Variants in FGF13 observed in about 807,000 individuals in gnomAD.
FGF13 encodes the protein fibroblast growth factor homologous factor 2.
FGF13 carries 2 observed loss-of-function variants against 19.5 expected under a neutral mutation model. The ratio of observed to expected loss-of-function variants is 0.10; its 90% CI spans 0.04 to 0.32. The LOEUF is 0.32. Among genes scored for constraint, FGF13 ranks in the 10% least tolerant of loss-of-function variants. The pLI, the probability that FGF13 is intolerant of heterozygous loss-of-function variation, is 1.00. For synonymous variants in FGF13, 72 were observed against 76.9 expected (o/e 0.94, Z 0.33); for missense variants, 113 against 192.7 (o/e 0.59, Z 2.45).
At chrX:139,204,230 G>A (rs1222048966), upstream of FGF13, 12 of 648,129 alleles carry the variant, frequency 1.9e-5, no homozygotes, top group Non-Finnish European at 2.7e-5. Flanking sequence ...GTGGTTCGGG[G>A]CGGAATCCGC....
chrX:139,120,186 G>A (rs1448242427), intron 1 of FGF13, among the ~76,000 whole-genome samples: 2 of 112,382 alleles, frequency 1.8e-5, no homozygotes, highest in African/African-American at 6.5e-5. Flanking sequence ...CAGCCATGGG[G>A]AACTCTGAGT....
intron 1 of FGF13, among the ~76,000 whole-genome samples, chrX:138,893,438 G>C (rs137870531): frequency 0.02 from 2,266 of 110,697 alleles, 60 homozygotes; most frequent in African/African-American, 0.069. Flanking sequence ...AGGTGGGCTC[G>C]GAAGGGATTA....
rs148077721 is a variant in FGF13 at position 138,880,667 on chromosome X, G to A, written c.-112-16017C>T. On this transcript the variant is annotated intron_variant, in intron 1 of 2. Transcript: ENST00000421460. ...TGCATGTGGAAATCCAGTCGACTCCGCAGCACCTGTTAAAGAAACTGTTTC... is the reference window on the plus strand; with the variant it reads ...TGCATGTGGAAATCCAGTCGACTCCACAGCACCTGTTAAAGAAACTGTTTC... Among the ~76,000 whole-genome samples, 812 of 111,660 alleles carry A rather than the reference G, an allele frequency of 7.3e-3. 9 individuals are homozygous for A. Among genetic ancestry groups the A allele is most frequent in the African/African-American group, 0.024 (745 of 30,713 alleles).
intron 1 of FGF13, among the ~76,000 whole-genome samples, chrX:138,942,214 G>A (rs2091761686): frequency 9.0e-6 from 1 of 111,585 alleles, no homozygotes; most frequent in South Asian, 3.8e-4. Context: ...AACAGAGGCT[G>A]AGGGTGAACC....
intron 1 of FGF13, among the ~76,000 whole-genome samples, chrX:138,913,392 C>T (rs2091599620): frequency 9.2e-6 from 1 of 108,631 alleles, no homozygotes; most frequent in South Asian, 4.1e-4. Flanking sequence ...GCCTCAAACT[C>T]CTGACCTTGT....
intron 1 of FGF13, among the ~76,000 whole-genome samples, chrX:139,021,082 A>C: frequency 9.0e-6 from 1 of 111,183 alleles, no homozygotes; most frequent in Non-Finnish European, 1.9e-5. Context: ...ACCACATTCA[A>C]TTGCCAGAAG....
chrX:138,963,301 C>T (rs1011993582), intron 1 of FGF13, among the ~76,000 whole-genome samples: 2 of 113,019 alleles, frequency 1.8e-5, no homozygotes, highest in African/African-American at 6.4e-5. Flanking sequence ...AACATATCAC[C>T]TGGGAAAAAG....
chrX:139,079,169 G>A (rs1347582486), intron 1 of FGF13, among the ~76,000 whole-genome samples: 1 of 111,542 alleles, frequency 9.0e-6, no homozygotes, highest in Non-Finnish European at 1.9e-5. Context: ...CCTGGATCTA[G>A]ATGGATATAG....
intron 3 of FGF13, among the ~76,000 whole-genome samples, chrX:138,760,264 C>T (rs1020765987): frequency 2.7e-5 from 3 of 112,193 alleles, no homozygotes; most frequent in Non-Finnish European, 3.8e-5. Context: ...TGGAAAGGCA[C>T]CACTGTGTGG....
rs1480909976 is a variant in FGF13, at chrX:138,616,287, C to A, written c.*16563G>T. ...CAGGAATTGAGTAAAAATACCCATT[C>A]CAAATGGGAGAAGTTGGCCAAAACA... On this transcript the variant is annotated 3_prime_UTR_variant, in exon 5 of 5. Coordinates refer to ENST00000315930, the MANE Select transcript of FGF13 (RefSeq NM_004114.5). 6.2e-5 allele frequency: 7 copies of A among 112,625 alleles called. No homozygotes were observed. The highest frequency in any genetic ancestry group is 2.3e-4 in the African/African-American group (7 of 31,055). 9.3% of individuals were successfully genotyped at this position (112,625 alleles called of 1,213,427 possible).
At chrX:139,126,180 C>T (rs779130203) in intron 1 of FGF13, among the ~76,000 whole-genome samples, 2 of 112,012 alleles carry the variant, frequency 1.8e-5, no homozygotes, top group African/African-American at 6.5e-5. Flanking sequence ...ACTGTATGGC[C>T]CACAAAGCCT....
At chrX:138,748,073 A>T (rs1414581891) in intron 3 of FGF13, among the ~76,000 whole-genome samples, 1 of 111,580 alleles carries the variant, frequency 9.0e-6, no homozygotes, top group Non-Finnish European at 1.9e-5. Flanking sequence ...CTGCTCCAGC[A>T]GCATAATCCC....
Position 138,627,129 on chromosome X carries a change from T to C in FGF13, c.*5721A>G, listed in dbSNP as rs779511614. 10 of 111,625 alleles carry C rather than the reference T, an allele frequency of 9.0e-5. No individual in the cohort carries two copies. Among genetic ancestry groups the C allele is most frequent in the African/African-American group, 3.3e-4 (10 of 30,712 alleles). The allele number at this position is 111,625 out of a possible 1,213,427, so 9.2% of individuals were successfully genotyped here. On this transcript the variant is annotated 3_prime_UTR_variant, in exon 5 of 5. Transcript: ENST00000315930. ...TGTTACTAAACCCCAGAATATCTTT[T>C]TCTACAAAATTGACACAGTTTCAAT... is the stretch of plus-strand genomic sequence containing the variant.
At chrX:139,069,701 G>A (rs956382961) in intron 1 of FGF13, among the ~76,000 whole-genome samples, 20 of 111,939 alleles carry the variant, frequency 1.8e-4, no homozygotes, top group African/African-American at 6.5e-4. Context: ...GAACAAAGCT[G>A]GAGGCATCAC....
At chrX:138,706,904 T>G (rs1423042829) in intron 2 of FGF13, among the ~76,000 whole-genome samples, 1 of 112,411 alleles carries the variant, frequency 8.9e-6, no homozygotes, top group Non-Finnish European at 1.9e-5. Context: ...TACTTTCCAT[T>G]TGTATGCATC....
At chrX:138,900,637 A>G (rs2091527535) in intron 1 of FGF13, among the ~76,000 whole-genome samples, 1 of 111,768 alleles carries the variant, frequency 8.9e-6, no homozygotes, top group Non-Finnish European at 1.9e-5. Flanking sequence ...AATTATTCAT[A>G]TAATCATCAG....
intron 1 of FGF13, among the ~76,000 whole-genome samples, chrX:139,115,763 A>G (rs771828009): frequency 8.9e-5 from 10 of 112,672 alleles, no homozygotes; most frequent in Admixed American, 5.6e-4. Context: ...ATAATTGTTC[A>G]TTTTCTTTCA....
At chrX:139,178,764 T>G (rs1056868976) in intron 1 of FGF13, among the ~76,000 whole-genome samples, 14 of 111,924 alleles carry the variant, frequency 1.3e-4, no homozygotes, top group Non-Finnish European at 1.7e-4. Flanking sequence ...GGGAGTCAGG[T>G]CTATAATAAT....
intron 1 of FGF13, among the ~76,000 whole-genome samples, chrX:138,964,752 C>T (rs773286381): frequency 1.8e-5 from 2 of 110,772 alleles, no homozygotes; most frequent in African/African-American, 6.6e-5. Flanking sequence ...GCCAGAGAGA[C>T]GGGAGGGGTG....
Sources: allele counts gnomAD v4.1 joint callset (sites outside exome capture counted in the v4.1 genomes callset), GRCh38; gene constraint gnomAD v4.1.1; transcripts MANE v1.5; gene names NCBI Gene and HGNC (gene_info 2026-07-23, HGNC 2026-07-21).